Variants in STK38L observed in about 807,000 individuals in gnomAD.
STK38L encodes the protein serine/threonine kinase 38 like.
Under a neutral mutation model 59.7 loss-of-function variants are expected in STK38L, and 28 were observed. The ratio of observed to expected loss-of-function variants is 0.47; its 90% CI spans 0.35 to 0.64. The LOEUF is 0.64. STK38L is among the 30% of genes least tolerant of loss of function. STK38L has a pLI of 0.01. For synonymous variants in STK38L, 162 were observed against 176.8 expected (o/e 0.92, Z 0.66); for missense variants, 314 against 555.8 (o/e 0.56, Z 4.37).
intron 1 of STK38L, among the ~76,000 whole-genome samples, chr12:27,259,676 C>A (rs1943164817): frequency 6.6e-6 from 1 of 152,016 alleles, no homozygotes; most frequent in Admixed American, 6.6e-5. Flanking sequence ...TTAACTACAC[C>A]ATTTACCTTA....
At chr12:27,268,335 T>A (rs1355501894) in intron 1 of STK38L, among the ~76,000 whole-genome samples, 1 of 152,072 alleles carries the variant, frequency 6.6e-6, no homozygotes, top group Non-Finnish European at 1.5e-5. Flanking sequence ...GTTCTCATTG[T>A]TTAATTCCCA....
chr12:27,248,994 A>C (rs1010762704), intron 1 of STK38L, among the ~76,000 whole-genome samples: 4 of 152,182 alleles, frequency 2.6e-5, no homozygotes, highest in African/African-American at 4.8e-5. Context: ...AAAAGTTTCC[A>C]AGTTCTTCTA....
intron 11 of STK38L, 27 bp from the exon 12 acceptor site, chr12:27,319,301 G>A (rs1944667421): frequency 6.8e-7 from 1 of 1,480,988 alleles, no homozygotes; most frequent in Non-Finnish European, 9.4e-7. Flanking sequence ...ACTTGTGTAT[G>A]ATAATTTCTC....
At chr12:27,248,923 T>C (rs1942914850) in intron 1 of STK38L, among the ~76,000 whole-genome samples, 1 of 152,242 alleles carries the variant, frequency 6.6e-6, no homozygotes, top group Non-Finnish European at 1.5e-5. Context: ...ATGCCCTGAT[T>C]GGCAGATCTT....
intron 1 of STK38L, among the ~76,000 whole-genome samples, chr12:27,255,154 A>G: frequency 6.6e-6 from 1 of 152,206 alleles, no homozygotes; most frequent in Non-Finnish European, 1.5e-5. Context: ...GCCCCATTGT[A>G]TAGCCCAATT....
At chr12:27,273,140 A>G (rs1392954559) in intron 1 of STK38L, among the ~76,000 whole-genome samples, 1 of 147,892 alleles carries the variant, frequency 6.8e-6, no homozygotes, top group Non-Finnish European at 1.5e-5. Flanking sequence ...CTTATTTTGT[A>G]TGTTTATCTT....
At chr12:27,289,851 C>CT (rs546879536) in intron 1 of STK38L, among the ~76,000 whole-genome samples, 8 of 152,272 alleles carry the variant, frequency 5.3e-5, no homozygotes, top group South Asian at 2.1e-4. Context: ...ACCAAGAGTT[C>CT]TTTTTTTACT....
intron 6 of STK38L, among the ~76,000 whole-genome samples, chr12:27,313,322 A>T (rs536436788): frequency 1.3e-5 from 2 of 151,900 alleles, no homozygotes; most frequent in East Asian, 3.9e-4. Context: ...CTCAGCAAAG[A>T]GGGCAAGGGG....
chr12:27,254,182 G>A (rs185055603), intron 1 of STK38L, among the ~76,000 whole-genome samples: 1 of 152,310 alleles, frequency 6.6e-6, no homozygotes, highest in East Asian at 1.9e-4. Context: ...TGAGGGAGGG[G>A]ATTGTGGTAG....
intron 1 of STK38L, among the ~76,000 whole-genome samples, chr12:27,271,888 CAG>C (rs1943431908): frequency 6.6e-6 from 1 of 152,072 alleles, no homozygotes; most frequent in African/African-American, 2.4e-5. Context: ...TTAGTAGAGA[CAG>C]GGTTTCACCA....
chr12:27,302,252 TC>T, intron 3 of STK38L, 64 bp downstream of exon 3: 1 of 1,225,288 alleles, frequency 8.2e-7, no homozygotes, highest in Non-Finnish European at 1.1e-6. Context: ...TCATTTGACA[TC>T]AGGTATTTTA....
At chr12:27,319,889 G>C (rs953808239) in intron 12 of STK38L, among the ~76,000 whole-genome samples, 1 of 152,108 alleles carries the variant, frequency 6.6e-6, no homozygotes, top group Non-Finnish European at 1.5e-5. Context: ...TTCAGTTTAT[G>C]GCCAAACTAC....
intron 6 of STK38L, 111 bp from the exon 7 acceptor site, chr12:27,314,391 ACT>A (rs1453729164): frequency 6.0e-5 from 51 of 853,542 alleles, no homozygotes; most frequent in Non-Finnish European, 7.3e-5. Context: ...ACAGAGTGAG[ACT>A]CTGTCTCCAA....
chr12:27,290,097 AT>A (rs1388753227), intron 1 of STK38L, among the ~76,000 whole-genome samples: 1 of 152,234 alleles, frequency 6.6e-6, no homozygotes, highest in Non-Finnish European at 1.5e-5. Flanking sequence ...TACTTTAAAA[AT>A]ATTTTTTACT....
intron 1 of STK38L, among the ~76,000 whole-genome samples, chr12:27,291,154 CTG>C (rs1246361953): frequency 6.6e-6 from 1 of 152,044 alleles, no homozygotes; most frequent in African/African-American, 2.4e-5. Context: ...TCTTTAATGG[CTG>C]TTAGGTTTTC....
intron 1 of STK38L, among the ~76,000 whole-genome samples, chr12:27,289,979 AAACT>A (rs1943860281): frequency 6.6e-6 from 1 of 152,198 alleles, no homozygotes; most frequent in Non-Finnish European, 1.5e-5. Context: ...TTAAATTTAC[AAACT>A]AACTGACAAT....
At chr12:27,282,003 T>A (rs899186176) in intron 1 of STK38L, among the ~76,000 whole-genome samples, 10 of 152,134 alleles carry the variant, frequency 6.6e-5, no homozygotes, top group Non-Finnish European at 1.5e-4. Context: ...GCCATTGCAC[T>A]CCAGCCTGGG....
At chr12:27,312,448 C>T (rs759472618) in intron 5 of STK38L, 101 bp from the exon 6 acceptor site, 11 of 1,290,236 alleles carry the variant, frequency 8.5e-6, no homozygotes, top group Non-Finnish European at 1.2e-5. Flanking sequence ...GAAACTCCAT[C>T]TTTCCTTCAT....
At position 27,308,575 on chromosome 12, in the gene STK38L, A is replaced by C; in HGVS notation, c.309+114A>C. The C allele has an allele frequency of 8.7e-7, 1 of 1,151,346 alleles. No homozygotes were observed. The highest frequency in any genetic ancestry group is 1.1e-6 in the Non-Finnish European group (1 of 903,562). 71.3% of individuals were successfully genotyped at this position (1,151,346 alleles called of 1,614,324 possible). A position where few individuals can be genotyped will look rare whatever the true frequency, so the allele number is the denominator to read the frequency against. On this transcript the variant is annotated intron_variant, in intron 4 of 13. Transcript: ENST00000389032. The surrounding 1 kb of genome is among the most constrained non-coding windows in gnomAD (Gnocchi z 4.5). Reference sequence around the variant, plus strand: ...TGCGGTGGCTCACGCCTGTAATCCCAATACTTTGGGAGGCCGAGGCGGGTG... The same window carrying C: ...TGCGGTGGCTCACGCCTGTAATCCCCATACTTTGGGAGGCCGAGGCGGGTG...
Sources: allele counts gnomAD v4.1 joint callset (sites outside exome capture counted in the v4.1 genomes callset), GRCh38; gene constraint gnomAD v4.1.1; non-coding constraint Gnocchi (gnomAD v3.1); transcripts MANE v1.5; gene names NCBI Gene and HGNC (gene_info 2026-07-23, HGNC 2026-07-21).